The following EFNB2 variants were observed in gnomAD, a reference collection of about 807,000 sequenced individuals.
EFNB2 encodes ephrin-B2.
Under a neutral mutation model 32.1 loss-of-function variants are expected in EFNB2, and 5 were observed. The observed-to-expected ratio is 0.16, with a 90% CI of 0.08 to 0.33. EFNB2 has a LOEUF of 0.33. Ranked by LOEUF, EFNB2 falls within the 10% of genes least tolerant of loss-of-function variation. The probability of loss-of-function intolerance (pLI) is 1.00; values close to 1 mark genes in which losing one functional copy is unlikely to be tolerated. For missense variants in EFNB2, 263 were observed against 422.6 expected, an observed-to-expected ratio of 0.62 and a Z score of 3.31; for synonymous variants, 168 against 166.5, an observed-to-expected ratio of 1.01 and a Z score of -0.07.
In EFNB2 at chr13:106,491,937, C is replaced by A. The variant is rs912939471; in HGVS notation, c.*1103G>T. ...AGCTGAGTCTGCTTAAAAAATCATCCAAAGCAGACCGACTCTCCTACAGCT... is the reference window on the plus strand; with the variant it reads ...AGCTGAGTCTGCTTAAAAAATCATCAAAAGCAGACCGACTCTCCTACAGCT... On this transcript the variant is annotated 3_prime_UTR_variant, in exon 5 of 5. Transcript: ENST00000646441. The A allele has an allele frequency of 6.6e-6, 1 of 152,536 alleles. No individual in the cohort carries two copies. Among genetic ancestry groups the A allele is most frequent in the Non-Finnish European group, 1.5e-5 (1 of 68,036 alleles). The allele number at this position is 152,536 out of a possible 1,614,324, so 9.4% of individuals were successfully genotyped here.
At chr13:106,496,236 C>G (rs1001910429) in intron 2 of EFNB2, among the ~76,000 whole-genome samples, 3 of 152,126 alleles carry the variant, frequency 2.0e-5, no homozygotes, top group Admixed American at 6.5e-5. Flanking sequence ...ATCATCCCCC[C>G]ACACCTGCTT....
rs1878352054 is a variant in EFNB2 at position 106,490,225 on chromosome 13, A to G, written c.*2815T>C. ...GTTTTCATGTGTATTTTTATTAAAA[A>G]GGTGAATAAGGCTACTGTAACACCC... On this transcript the variant is annotated 3_prime_UTR_variant, in exon 5 of 5. Transcript: ENST00000646441. 1 of 152,466 alleles carries G rather than the reference A, an allele frequency of 6.6e-6. No homozygotes were observed. Among genetic ancestry groups the G allele is most frequent in the Non-Finnish European group, 1.5e-5 (1 of 68,040 alleles). The allele number at this position is 152,466 out of a possible 1,614,324, so 9.4% of individuals were successfully genotyped here.
intron 2 of EFNB2, among the ~76,000 whole-genome samples, chr13:106,498,410 T>A (rs756418741): frequency 6.6e-6 from 1 of 152,212 alleles, no homozygotes; most frequent in Non-Finnish European, 1.5e-5. Context: ...GAGGTGCACA[T>A]TATTTGATTT....
At chr13:106,532,078 C>A (rs200362365) in intron 1 of EFNB2, among the ~76,000 whole-genome samples, 2,875 of 38,040 alleles carry the variant, frequency 0.076, 124 homozygotes, top group African/African-American at 0.21. Context: ...AAAAAAAAAA[C>A]CAAAACTTTA....
intron 1 of EFNB2, chr13:106,520,637 T>C (rs1375294276): frequency 6.6e-6 from 1 of 152,210 alleles, no homozygotes; most frequent in Non-Finnish European, 1.5e-5. Flanking sequence ...CATTTAATGC[T>C]AGATTGCTGC....
At chr13:106,511,913 G>A (rs888550996) in intron 2 of EFNB2, among the ~76,000 whole-genome samples, 1 of 152,098 alleles carries the variant, frequency 6.6e-6, no homozygotes, top group Non-Finnish European at 1.5e-5. Flanking sequence ...TTGAAACAGC[G>A]TGTCAAATTA....
At chr13:106,520,956 G>A (rs1182607005) in intron 1 of EFNB2, 2 of 152,212 alleles carry the variant, frequency 1.3e-5, no homozygotes, top group Non-Finnish European at 2.9e-5. Context: ...AACTTCCAGC[G>A]AGGGCACCAC....
intron 2 of EFNB2, 141 bp from the exon 3 acceptor site, chr13:106,495,981 T>C: frequency 1.3e-6 from 1 of 788,178 alleles, no homozygotes. Context: ...TCTGAAAGTA[T>C]GGGGATGCTG....
intron 2 of EFNB2, among the ~76,000 whole-genome samples, chr13:106,503,336 T>C (rs183550241): frequency 3.3e-5 from 5 of 152,270 alleles, no homozygotes; most frequent in Admixed American, 2.6e-4. Flanking sequence ...GCCACAGTAA[T>C]TCAGAAAAAC....
Position 106,495,803 on chromosome 13 carries a change from C to A in EFNB2, c.444G>T (p.Gln148His). The A allele has an allele frequency of 6.2e-7, 1 of 1,614,078 alleles. No individual in the cohort carries two copies. The highest frequency in any genetic ancestry group is 2.2e-5 in the East Asian group (1 of 44,872). The change falls in exon 3 of 5, where the codon CAG becomes CAT. Residue 148 changes from glutamine (Q) to histidine (H), a missense_variant. Coordinates refer to ENST00000646441, the MANE Select transcript of EFNB2 (RefSeq NM_004093.4). ...SNGSLEGLDN[Q>H]EGGVCQTRAM... Reference sequence around the variant, plus strand: ...CTCTTGTCTGGCACACCCCTCCCTCCTGGTTATCCAGGCCCTCCAAAGACC... The same window carrying A: ...CTCTTGTCTGGCACACCCCTCCCTCATGGTTATCCAGGCCCTCCAAAGACC...
At chr13:106,526,681 T>C (rs1217816077) in intron 1 of EFNB2, among the ~76,000 whole-genome samples, 1 of 152,196 alleles carries the variant, frequency 6.6e-6, no homozygotes. Context: ...TGACACTTTC[T>C]AACTTCTTCT....
chr13:106,529,624 G>A (rs763832740), intron 1 of EFNB2, among the ~76,000 whole-genome samples: 26 of 152,176 alleles, frequency 1.7e-4, no homozygotes, highest in Admixed American at 1.2e-3. Flanking sequence ...TTCGTCCCGC[G>A]CCCTTTTCAG....
At chr13:106,532,079 C>CAAAAAAAAAAAA (rs1404488142) in intron 1 of EFNB2, among the ~76,000 whole-genome samples, 21 of 41,854 alleles carry the variant, frequency 5.0e-4, no homozygotes, top group African/African-American at 1.3e-3. Flanking sequence ...AAAAAAAAAC[C>CAAAAAAAAAAAA]AAAACTTTAA....
rs201989523 is a variant in EFNB2 at position 106,493,315 on chromosome 13, T to C, written c.727A>G (p.Ile243Val). ...SGCIIFIVII[I>V]TLVVLLLKYR... is the part of the protein sequence containing the mutation. ...TTCAGCAAGAGGACCACCAGCGTGA[T>C]GATGATGACGATGAAGATGATGCAT... Residue 243 changes from isoleucine to valine, a missense_variant, in exon 5 of 5, where the codon ATC becomes GTC. By Grantham distance (29) the Ile-to-Val change is conservative. This residue lies in a region of EFNB2 where 172 missense variants were observed against 237.1 expected (regional missense o/e 0.73). Coordinates refer to ENST00000646441, the MANE Select transcript of EFNB2 (RefSeq NM_004093.4). The surrounding 1 kb of genome is among the most constrained non-coding windows in gnomAD (Gnocchi z 6.1). 61 of 1,614,062 alleles carry C rather than the reference T, an allele frequency of 3.8e-5. No individual in the cohort carries two copies. The highest frequency in any genetic ancestry group is 4.0e-5 in the Non-Finnish European group (47 of 1,180,042).
At chr13:106,519,453 A>G (rs1879425937) in intron 1 of EFNB2, 1 of 152,154 alleles carries the variant, frequency 6.6e-6, no homozygotes, top group Non-Finnish European at 1.5e-5. Context: ...CCCACACATA[A>G]AGCTCTTCTA....
intron 1 of EFNB2, among the ~76,000 whole-genome samples, chr13:106,531,033 C>T (rs1207716680): frequency 6.6e-6 from 1 of 152,204 alleles, no homozygotes; most frequent in South Asian, 2.1e-4. Flanking sequence ...TGTCCACACA[C>T]TTTAGCTTAA....
chr13:106,500,425 T>C (rs144086362), intron 2 of EFNB2, among the ~76,000 whole-genome samples: 76 of 152,348 alleles, frequency 5.0e-4, no homozygotes, highest in Non-Finnish European at 9.1e-4. Flanking sequence ...CCAGGAAATA[T>C]AAATACTATT....
At chr13:106,504,864 C>A (rs1878899330) in intron 2 of EFNB2, among the ~76,000 whole-genome samples, 1 of 152,094 alleles carries the variant, frequency 6.6e-6, no homozygotes, top group Non-Finnish European at 1.5e-5. Context: ...TATTTTTAAT[C>A]ACTATATGAT....
rs1177853224 is a variant in EFNB2 at position 106,489,894 on chromosome 13, AAAAC to A, written c.*3142_*3145del. ...AAAACCTATGACAGGCTATTAAAAT[AAAAC>A]AAAGAAAGAAAAAAATATTTATAAC... is the stretch of plus-strand genomic sequence containing the variant. On this transcript the variant is annotated 3_prime_UTR_variant, in exon 5 of 5. Coordinates refer to ENST00000646441, the MANE Select transcript of EFNB2 (RefSeq NM_004093.4). 2.0e-5 allele frequency: 3 copies of A among 152,650 alleles called. No homozygotes were observed. Among genetic ancestry groups the A allele is most frequent in the Non-Finnish European group, 4.4e-5 (3 of 68,038 alleles). 9.5% of individuals were successfully genotyped at this position (152,650 alleles called of 1,614,324 possible). A position where few individuals can be genotyped will look rare whatever the true frequency, so the allele number is the denominator to read the frequency against.
Sources: allele counts gnomAD v4.1 joint callset (sites outside exome capture counted in the v4.1 genomes callset), GRCh38; gene constraint gnomAD v4.1.1; regional missense constraint gnomAD v4.1.1; non-coding constraint Gnocchi (gnomAD v3.1); transcripts MANE v1.5; gene names NCBI Gene and HGNC (gene_info 2026-07-23, HGNC 2026-07-21).